Variants in ZNF638 observed in about 807,000 individuals in gnomAD.
ZNF638 encodes the protein zinc finger protein 638, also known as CTCL tumor antigen se33-1.
In ZNF638, 46 loss-of-function variants were observed where a neutral mutation model predicts 195.6. The ratio of observed to expected loss-of-function variants is 0.24; its 90% CI spans 0.19 to 0.30. The LOEUF (loss-of-function observed/expected upper bound fraction) is 0.30. ZNF638 is among the 10% of genes least tolerant of loss of function. The pLI, the probability that ZNF638 is intolerant of heterozygous loss-of-function variation, is 1.00. For synonymous variants in ZNF638, 845 were observed against 772.0 expected, an observed-to-expected ratio of 1.09 and a Z score of -1.57; for missense variants, 2,440 against 2,325.3, an observed-to-expected ratio of 1.05 and a Z score of -1.01.
chr2:71,393,717 T>C (rs1398559767), intron 10 of ZNF638: 1 of 674,114 alleles, frequency 1.5e-6, no homozygotes, highest in Middle Eastern at 2.4e-4. Context: ...CTACACTCTA[T>C]TGGGCTCATC....
chr2:71,373,387 C>G (rs1299079521), intron 8 of ZNF638, among the ~76,000 whole-genome samples: 1 of 139,120 alleles, frequency 7.2e-6, no homozygotes, highest in Non-Finnish European at 1.5e-5. Flanking sequence ...TGTAAGAAGT[C>G]TTTTCTTACA....
intron 8 of ZNF638, among the ~76,000 whole-genome samples, chr2:71,373,747 A>G (rs941697432): frequency 1.3e-5 from 2 of 151,818 alleles, no homozygotes. Context: ...ACTCAAATTT[A>G]TTGGTATTCT....
chr2:71,369,179 A>G (rs1431145481), intron 7 of ZNF638, among the ~76,000 whole-genome samples: 4 of 152,120 alleles, frequency 2.6e-5, no homozygotes, highest in African/African-American at 9.7e-5. Context: ...TACTAAGAAT[A>G]CAAAAATTAG....
chr2:71,422,349 A>T (rs969540153), intron 21 of ZNF638, among the ~76,000 whole-genome samples: 1 of 152,110 alleles, frequency 6.6e-6, no homozygotes, highest in East Asian at 1.9e-4. Context: ...TTTTCCCCCC[A>T]CCAGTTTCTG....
intron 8 of ZNF638, among the ~76,000 whole-genome samples, chr2:71,377,355 A>G (rs1861849): frequency 0.099 from 15,110 of 152,260 alleles, 823 homozygotes; most frequent in Non-Finnish European, 0.12. Context: ...AAAAAAAACA[A>G]TTTTTAAAAC....
chr2:71,433,104 G>T, intron 26 of ZNF638, 61 bp from the exon 27 acceptor site: 1 of 1,265,290 alleles, frequency 7.9e-7, no homozygotes, highest in South Asian at 1.2e-5. Flanking sequence ...TGAATAAATC[G>T]ATGAACACAA....
chr2:71,400,329 G>C, intron 14 of ZNF638, 149 bp downstream of exon 14: 1 of 1,041,142 alleles, frequency 9.6e-7, no homozygotes, highest in Non-Finnish European at 1.4e-6. Context: ...TTTTTTAAAA[G>C]CCAATGTCAC....
At position 71,428,550 on chromosome 2, in the gene ZNF638, A is replaced by G. The variant is rs2080587846; in HGVS notation, c.5549A>G (p.Lys1850Arg). Residue 1850 changes from lysine (K) to arginine (R), a missense_variant, in exon 25 of 28, where the codon AAA (lysine) becomes AGA (arginine). Physicochemically the swap from Lys to Arg is conservative, Grantham distance 26 (BLOSUM62 2). Around this residue, in one of 5 missense-constraint regions of ZNF638, gnomAD observed 1,883 missense variants for 1,739.1 expected, o/e 1.08. Coordinates refer to ENST00000264447, the MANE Select transcript of ZNF638 (RefSeq NM_014497.5). ...AATTAGGACTTTCTTTTTAAAGCTA[A>G]AACTCCAACCAAGAGAGTTAGAATT... ...KTMIERHLTAKTPTKRVRIGK... is the reference protein window; with the variant it reads ...KTMIERHLTARTPTKRVRIGK... The G allele has an allele frequency of 6.2e-7, 1 of 1,612,158 alleles. No individual in the cohort carries two copies. Among genetic ancestry groups the G allele is most frequent in the Non-Finnish European group, 8.5e-7 (1 of 1,179,424 alleles).
At position 71,423,295 on chromosome 2, in the gene ZNF638, G is replaced by A. The variant is rs1308144139; in HGVS notation, c.3781G>A (p.Ala1261Thr). 2 of 1,613,964 alleles carry A rather than the reference G, an allele frequency of 1.2e-6. No homozygotes were observed. The highest frequency in any genetic ancestry group is 1.7e-6 in the Non-Finnish European group (2 of 1,179,976). ...TGGAATTACACAGACTATGGTAGAA[G>A]CTGTAGCTGAAGTAGAAAAAAATGA... is the stretch of plus-strand genomic sequence containing the variant. ...ISGITQTMVE[A>T]VAEVEKNETV... The change falls in exon 22 of 28, where the codon GCT becomes ACT. Residue 1261 changes from alanine (A) to threonine (T), a missense_variant. This residue lies in a region of ZNF638 where 1,883 missense variants were observed against 1,739.1 expected (regional missense o/e 1.08). Transcript: ENST00000264447.
intron 10 of ZNF638, among the ~76,000 whole-genome samples, chr2:71,391,985 G>A (rs937858130): frequency 6.6e-6 from 1 of 152,178 alleles, no homozygotes; most frequent in Non-Finnish European, 1.5e-5. Flanking sequence ...TTCCTAGAAT[G>A]TGTTTTTTGC....
At position 71,400,522 on chromosome 2, in the gene ZNF638, A is replaced by G. The variant is rs1442488110; in HGVS notation, c.2697+4A>G. The G allele has an allele frequency of 6.3e-7, 1 of 1,597,294 alleles. No homozygotes were observed. The highest frequency in any genetic ancestry group is 8.5e-7 in the Non-Finnish European group (1 of 1,173,576). On this transcript the variant is annotated splice_donor_region_variant and intron_variant, in intron 15 of 27. Coordinates refer to ENST00000264447, the MANE Select transcript of ZNF638 (RefSeq NM_014497.5). ...AGAGAATGAACCACTTAACAAGGTC[A>G]GTTTTCATGTTTTATTTATTTCTTT... is the stretch of plus-strand genomic sequence containing the variant.
Position 71,369,872 on chromosome 2 carries a change from T to C in ZNF638, c.2143-11T>C. ...GATTTGTGACTAAAGATGGAATAAATTTCATTTTAGGCTTACCTAGAAATG... is the reference window on the plus strand; with the variant it reads ...GATTTGTGACTAAAGATGGAATAAACTTCATTTTAGGCTTACCTAGAAATG... On this transcript the variant is annotated splice_polypyrimidine_tract_variant and intron_variant, in intron 7 of 27. Coordinates refer to ENST00000264447, the MANE Select transcript of ZNF638 (RefSeq NM_014497.5). 6.4e-7 allele frequency: 1 copy of C among 1,562,610 alleles called. No homozygotes were observed. Among genetic ancestry groups the C allele is most frequent in the Non-Finnish European group, 8.6e-7 (1 of 1,162,636 alleles).
At chr2:71,336,051 C>G (rs1322716235) in intron 1 of ZNF638, among the ~76,000 whole-genome samples, 1 of 152,174 alleles carries the variant, frequency 6.6e-6, no homozygotes, top group African/African-American at 2.4e-5. Context: ...CATCTGAATT[C>G]ATGAATTTTG....
Position 71,426,475 on chromosome 2 carries a change from T to A in ZNF638, c.4606T>A (p.Phe1536Ile). 6.4e-7 allele frequency: 1 copy of A among 1,570,756 alleles called. No individual in the cohort carries two copies. Among genetic ancestry groups the A allele is most frequent in the African/African-American group, 1.4e-5 (1 of 72,730 alleles). Residue 1536 changes from phenylalanine to isoleucine, a missense_variant, in exon 24 of 28, where the codon TTT becomes ATT. This residue lies in a region of ZNF638 where 1,883 missense variants were observed against 1,739.1 expected (regional missense o/e 1.08). Coordinates refer to ENST00000264447, the MANE Select transcript of ZNF638 (RefSeq NM_014497.5). ...TTTCCAACAGGAGCCATTATTTCCA[T>A]TTAATTTGGATGAATTTGTTACTGT... ...SKSKEEPLFP[F>I]NLDEFVTVDE...
At chr2:71,406,957 G>A (rs186873319) in intron 19 of ZNF638, among the ~76,000 whole-genome samples, 4 of 152,258 alleles carry the variant, frequency 2.6e-5, no homozygotes, top group East Asian at 1.9e-4. Flanking sequence ...CTGTGTTCAC[G>A]CCACCACACT....
chr2:71,378,008 C>G (rs1200899874), intron 8 of ZNF638, among the ~76,000 whole-genome samples: 3 of 152,128 alleles, frequency 2.0e-5, no homozygotes, highest in African/African-American at 7.2e-5. Flanking sequence ...CTCAGACATG[C>G]ATGGACTTAG....
rs201518874 is a variant in ZNF638, at chr2:71,427,259, G to A, written c.5390G>A (p.Ser1797Asn). 236 of 1,613,238 alleles carry A rather than the reference G, an allele frequency of 1.5e-4. No homozygotes were observed. Among genetic ancestry groups the A allele is most frequent in the East Asian group, 2.5e-4 (11 of 44,848 alleles). Residue 1797 changes from serine (S) to asparagine (N), a missense_variant, in exon 24 of 28, where the codon AGC becomes AAC. Physicochemically the swap from Ser to Asn is conservative, Grantham distance 46. Coordinates refer to ENST00000264447, the MANE Select transcript of ZNF638 (RefSeq NM_014497.5). ...GATTTAAAAGTTGAGTTAGCACAAA[G>A]CAAAAATGACCATCCCACAGATAAA... ...DNDLKVELAQ[S>N]KNDHPTDKKG...
intron 10 of ZNF638, among the ~76,000 whole-genome samples, chr2:71,387,972 A>G (rs148698857): frequency 6.4e-4 from 98 of 152,338 alleles, no homozygotes; most frequent in Middle Eastern, 3.4e-3. Flanking sequence ...TAGAGAAAGA[A>G]GTAGAGATGA....
Position 71,365,678 on chromosome 2 carries a change from C to T in ZNF638, c.1967C>T (p.Ser656Phe). ...DDTLSECKQV[S>F]DKAVSLQRKL... ...ACTTTGTCAGAATGTAAACAGGTGT[C>T]TGATAAAGCTGTTTCTCTCCAGCGA... Residue 656 changes from serine to phenylalanine, a missense_variant, in exon 6 of 28, where the codon TCT becomes TTT. By Grantham distance (155) the Ser-to-Phe change is radical. Coordinates refer to ENST00000264447, the MANE Select transcript of ZNF638 (RefSeq NM_014497.5). 2 of 1,612,302 alleles carry T rather than the reference C, an allele frequency of 1.2e-6. No individual in the cohort carries two copies. Among genetic ancestry groups the T allele is most frequent in the Non-Finnish European group, 1.7e-6 (2 of 1,179,342 alleles).
Sources: allele counts gnomAD v4.1 joint callset (sites outside exome capture counted in the v4.1 genomes callset), GRCh38; gene constraint gnomAD v4.1.1; regional missense constraint gnomAD v4.1.1; transcripts MANE v1.5; gene names NCBI Gene and HGNC (gene_info 2026-07-23, HGNC 2026-07-21).